KIAA0586: variants seen among roughly 807,000 people sequenced by gnomAD.
KIAA0586 encodes the protein KIAA0586.
A neutral mutation model predicts 169.8 loss-of-function variants in KIAA0586; 144 were observed. The ratio of observed to expected loss-of-function variants is 0.85; its 90% CI spans 0.74 to 0.97. The LOEUF (loss-of-function observed/expected upper bound fraction) is 0.97, where lower values mean the gene tolerates loss of function less well. KIAA0586 is among the 50% of genes least tolerant of loss of function. The pLI, the probability that KIAA0586 is intolerant of heterozygous loss-of-function variation, is 0.00. For synonymous variants in KIAA0586, 625 were observed against 612.4 expected (o/e 1.02, Z -0.30); for missense variants, 1,854 against 1,823.0 (o/e 1.02, Z -0.31).
At chr14:58,495,427 G>C (rs1161728135) in intron 26 of KIAA0586, among the ~76,000 whole-genome samples, 3 of 151,880 alleles carry the variant, frequency 2.0e-5, no homozygotes, top group Admixed American at 1.3e-4. Flanking sequence ...TCAGCCCCCA[G>C]AGTAGCTGGG....
chr14:58,488,132 G>A, intron 23 of KIAA0586, 23 bp downstream of exon 23: 1 of 1,491,964 alleles, frequency 6.7e-7, no homozygotes, highest in Non-Finnish European at 9.2e-7. Flanking sequence ...ATACTCACTA[G>A]TAACTGTACA....
chr14:58,539,116 C>T (rs989531188), intron 29 of KIAA0586, among the ~76,000 whole-genome samples: 7 of 152,240 alleles, frequency 4.6e-5, no homozygotes, highest in African/African-American at 1.7e-4. Flanking sequence ...TAAATGAGAA[C>T]CTTCAAAGTT....
chr14:58,460,357 A>G (rs1046766185), intron 13 of KIAA0586, among the ~76,000 whole-genome samples: 2 of 152,094 alleles, frequency 1.3e-5, no homozygotes, highest in Non-Finnish European at 2.9e-5. Flanking sequence ...TCCAAAAACT[A>G]GATTCTCTAG....
intron 29 of KIAA0586, among the ~76,000 whole-genome samples, chr14:58,518,336 A>G (rs1471535892): frequency 3.9e-5 from 6 of 152,208 alleles, no homozygotes; most frequent in African/African-American, 1.2e-4. Context: ...TATATTTTCA[A>G]TACAGTTAAA....
chr14:58,508,139 C>A (rs1281816916), intron 27 of KIAA0586, among the ~76,000 whole-genome samples: 1 of 152,114 alleles, frequency 6.6e-6, no homozygotes, highest in Non-Finnish European at 1.5e-5. Flanking sequence ...ACAAAATCTA[C>A]AGAATAGAGC....
intron 28 of KIAA0586, among the ~76,000 whole-genome samples, chr14:58,509,080 T>C (rs1353234052): frequency 2.0e-5 from 3 of 151,936 alleles, no homozygotes; most frequent in African/African-American, 7.3e-5. Context: ...AATACAAAAA[T>C]TAGCTCGGCT....
intron 27 of KIAA0586, among the ~76,000 whole-genome samples, chr14:58,503,004 C>G (rs535571461): frequency 6.6e-6 from 1 of 152,288 alleles, no homozygotes; most frequent in Admixed American, 6.5e-5. Flanking sequence ...TCCTCTATCA[C>G]TGTCTCCATT....
intron 29 of KIAA0586, among the ~76,000 whole-genome samples, chr14:58,526,759 G>A (rs577951036): frequency 5.9e-5 from 9 of 152,216 alleles, no homozygotes; most frequent in South Asian, 2.1e-4. Context: ...AAACTCCTCC[G>A]AGCTAAAGGA....
chr14:58,447,478 G>T (rs1743729), intron 6 of KIAA0586, among the ~76,000 whole-genome samples: 2 of 138,110 alleles, frequency 1.4e-5, no homozygotes, highest in Non-Finnish European at 1.5e-5. Flanking sequence ...ATTTTATTTT[G>T]TTTTATTTTA....
At chr14:58,509,995 A>C (rs1368207837) in intron 28 of KIAA0586, among the ~76,000 whole-genome samples, 1 of 152,232 alleles carries the variant, frequency 6.6e-6, no homozygotes, top group Non-Finnish European at 1.5e-5. Context: ...TAAGAAAACA[A>C]ACAATCCAGT....
intron 29 of KIAA0586, among the ~76,000 whole-genome samples, chr14:58,523,812 C>T (rs2045386326): frequency 6.6e-6 from 1 of 151,718 alleles, no homozygotes; most frequent in Non-Finnish European, 1.5e-5. Context: ...GATCCTCCCA[C>T]CTTGGCCTCC....
chr14:58,557,901 C>CTTTTTTTTTTTTTTTTTTTTTTT, the KIAA0586 span, among the ~76,000 whole-genome samples: 22 of 42,508 alleles, frequency 5.2e-4, 4 homozygotes, highest in African/African-American at 1.1e-3. Context: ...CCTGAGAAAT[C>CTTTTTTTTTTTTTTTTTTTTTTT]TTTTTTTTTT....
chr14:58,479,911 T>G (rs781020144), intron 20 of KIAA0586, among the ~76,000 whole-genome samples: 2 of 152,206 alleles, frequency 1.3e-5, no homozygotes, highest in African/African-American at 2.4e-5. Context: ...ATACCATACT[T>G]CTTGATTACT....
intron 8 of KIAA0586, among the ~76,000 whole-genome samples, chr14:58,452,953 TG>T (rs1208755443): frequency 6.6e-6 from 1 of 151,940 alleles, no homozygotes; most frequent in East Asian, 1.9e-4. Context: ...GTTTCACTCT[TG>T]TCGCCCAGGC....
In KIAA0586 at chr14:58,550,293, C is replaced by G. The variant is rs998404969; in HGVS notation, c.*2361C>G. 2.0e-5 allele frequency: 3 copies of G among 152,308 alleles called. No homozygotes were observed. The highest frequency in any genetic ancestry group is 1.3e-4 in the Admixed American group (2 of 15,276). The allele number at this position is 152,308 out of a possible 1,614,324, so 9.4% of individuals were successfully genotyped here. ...GATTACAGGCGTGAGCCACCGCGCCCGGCATTCATCTAGTATTTTGTTTTA... is the reference window on the plus strand; with the variant it reads ...GATTACAGGCGTGAGCCACCGCGCCGGGCATTCATCTAGTATTTTGTTTTA... On this transcript the variant is annotated 3_prime_UTR_variant, in exon 31 of 31. Transcript: ENST00000652326.
At chr14:58,467,037 T>G (rs1365844598) in intron 15 of KIAA0586, among the ~76,000 whole-genome samples, 1 of 152,228 alleles carries the variant, frequency 6.6e-6, no homozygotes, top group Non-Finnish European at 1.5e-5. Flanking sequence ...TTTGTTTTGA[T>G]TAACAATTTA....
Position 58,540,309 on chromosome 14 carries a change from C to T in KIAA0586, c.4495+173C>T, listed in dbSNP as rs190973993. ...GTTACAAACTCAGCTCTCCAAAAGG[C>T]GTAAGTTAGGGGACAGGAAAGAAAA... On this transcript the variant is annotated intron_variant, in intron 30 of 30. Transcript: ENST00000652326. Among the ~76,000 whole-genome samples the T allele has an allele frequency of 2.8e-3, 432 of 152,144 alleles. 4 individuals carry two copies. Among genetic ancestry groups the T allele is most frequent in the African/African-American group, 9.9e-3 (412 of 41,480 alleles).
chr14:58,512,019 T>C (rs1222836798), intron 28 of KIAA0586, among the ~76,000 whole-genome samples: 4 of 152,192 alleles, frequency 2.6e-5, no homozygotes, highest in African/African-American at 9.6e-5. Flanking sequence ...GTGGAGCGTA[T>C]GTTTCTTGAA....
intron 29 of KIAA0586, among the ~76,000 whole-genome samples, chr14:58,533,135 G>C (rs1219926826): frequency 2.0e-5 from 3 of 152,118 alleles, no homozygotes; most frequent in Non-Finnish European, 2.9e-5. Context: ...TGCGATTATT[G>C]CCTTTTGTGT....
Sources: gnomAD v4.1 joint callset for allele counts (sites outside exome capture counted in the v4.1 genomes callset) on GRCh38, gnomAD v4.1.1 for gene constraint, MANE v1.5 for transcripts, NCBI Gene and HGNC (gene_info 2026-07-23, HGNC 2026-07-21) for gene names.